The following KIAA1328 variants were observed in gnomAD, a reference collection of about 807,000 sequenced individuals.
KIAA1328 encodes protein hinderin.
Under a neutral mutation model 68.1 loss-of-function variants are expected in KIAA1328, and 52 were observed. The ratio of observed to expected loss-of-function variants is 0.76; its 90% confidence interval spans 0.61 to 0.96. The LOEUF is 0.96. Among genes scored for constraint, KIAA1328 ranks in the 40% least tolerant of loss-of-function variants. KIAA1328 has a pLI of 0.00. For missense variants in KIAA1328, 641 were observed against 677.6 expected (o/e 0.95, Z 0.60); for synonymous variants, 232 against 239.4 (o/e 0.97, Z 0.28).
intron 7 of KIAA1328, among the ~76,000 whole-genome samples, chr18:37,122,402 G>A (rs1382414412): frequency 6.6e-6 from 1 of 152,062 alleles, no homozygotes; most frequent in Non-Finnish European, 1.5e-5. Context: ...GCAGGGAGTT[G>A]TAGCTGCATG....
At chr18:36,908,524 G>T (rs1270852466) in intron 5 of KIAA1328, among the ~76,000 whole-genome samples, 2 of 152,078 alleles carry the variant, frequency 1.3e-5, no homozygotes, top group Admixed American at 6.6e-5. Context: ...TTTTGTGTGT[G>T]TGGAAAGAAA....
intron 6 of KIAA1328, among the ~76,000 whole-genome samples, chr18:37,010,462 A>AAAG (rs2053940194): frequency 7.4e-6 from 1 of 134,306 alleles, no homozygotes; most frequent in African/African-American, 2.5e-5. Context: ...AAAAAAAAAA[A>AAAG]AAAAAAAAGA....
chr18:37,084,311 C>A, intron 7 of KIAA1328: 1 of 677,808 alleles, frequency 1.5e-6, no homozygotes, highest in Non-Finnish European at 2.2e-6. Context: ...TTTTATAGCT[C>A]TATGTTGATT....
chr18:37,201,448 A>G (rs1381017365), intron 9 of KIAA1328, among the ~76,000 whole-genome samples: 1 of 152,164 alleles, frequency 6.6e-6, no homozygotes, highest in Non-Finnish European at 1.5e-5. Context: ...TATAACAGGT[A>G]TGTTATAGTT....
At chr18:37,020,262 A>G (rs949509040) in intron 6 of KIAA1328, among the ~76,000 whole-genome samples, 1 of 152,110 alleles carries the variant, frequency 6.6e-6, no homozygotes, top group African/African-American at 2.4e-5. Flanking sequence ...AGCTGAGATT[A>G]CAGGCACATG....
At chr18:37,063,061 AGTTCTAGG>A (rs2056215661) in intron 6 of KIAA1328, among the ~76,000 whole-genome samples, 1 of 149,346 alleles carries the variant, frequency 6.7e-6, no homozygotes, top group Non-Finnish European at 1.5e-5. Context: ...TTATACTTTA[AGTTCTAGG>A]GTACATGTGC....
At chr18:37,129,159 A>G (rs1283259026) in intron 7 of KIAA1328, among the ~76,000 whole-genome samples, 3 of 152,206 alleles carry the variant, frequency 2.0e-5, no homozygotes, top group Non-Finnish European at 2.9e-5. Flanking sequence ...TTGATTTATT[A>G]TACCATACCT....
At chr18:36,922,135 A>T (rs2049951395) in intron 5 of KIAA1328, among the ~76,000 whole-genome samples, 1 of 151,982 alleles carries the variant, frequency 6.6e-6, no homozygotes, top group Non-Finnish European at 1.5e-5. Context: ...TTTTCTCTTG[A>T]AGATTACCTA....
chr18:37,117,950 G>A (rs1053973285), intron 7 of KIAA1328, among the ~76,000 whole-genome samples: 1 of 149,090 alleles, frequency 6.7e-6, no homozygotes, highest in African/African-American at 2.5e-5. Flanking sequence ...AGCTCTTATA[G>A]TCCCCATCTC....
intron 6 of KIAA1328, among the ~76,000 whole-genome samples, chr18:37,059,247 C>G (rs1378375391): frequency 1.3e-5 from 2 of 151,752 alleles, no homozygotes; most frequent in African/African-American, 4.8e-5. Context: ...TAAGAATAGC[C>G]TAAGTGCAAC....
chr18:36,912,432 T>C (rs1430762206), intron 5 of KIAA1328, among the ~76,000 whole-genome samples: 1 of 151,658 alleles, frequency 6.6e-6, no homozygotes, highest in Non-Finnish European at 1.5e-5. Context: ...TTCTCTATTA[T>C]AAGGACTCCT....
chr18:36,874,721 C>T (rs1460883677), intron 4 of KIAA1328, among the ~76,000 whole-genome samples: 1 of 152,094 alleles, frequency 6.6e-6, no homozygotes, highest in Non-Finnish European at 1.5e-5. Flanking sequence ...TTTTGTTTGC[C>T]ATTGCTTTTG....
chr18:37,149,769 C>A (rs979975166), intron 7 of KIAA1328, among the ~76,000 whole-genome samples: 3 of 152,096 alleles, frequency 2.0e-5, no homozygotes, highest in Non-Finnish European at 1.5e-5. Flanking sequence ...GTAGCAGCTA[C>A]TCTTTGGTAA....
chr18:36,881,671 G>T (rs1340187603), intron 4 of KIAA1328, among the ~76,000 whole-genome samples: 1 of 151,958 alleles, frequency 6.6e-6, no homozygotes, highest in African/African-American at 2.4e-5. Context: ...CAATGGATTT[G>T]CCCATTCTAG....
At chr18:37,183,144 A>T (rs913012598) in intron 9 of KIAA1328, among the ~76,000 whole-genome samples, 2 of 152,094 alleles carry the variant, frequency 1.3e-5, no homozygotes, top group African/African-American at 4.8e-5. Context: ...TCTTGTCTAG[A>T]TGATAGGGTT....
At chr18:36,988,680 TAA>T (rs1219052533) in intron 6 of KIAA1328, among the ~76,000 whole-genome samples, 1 of 152,210 alleles carries the variant, frequency 6.6e-6, no homozygotes, top group Non-Finnish European at 1.5e-5. Context: ...GAATGCCAGT[TAA>T]GAGCATAGAC....
chr18:37,060,855 C>A (rs118071969), intron 6 of KIAA1328, among the ~76,000 whole-genome samples: 3 of 152,162 alleles, frequency 2.0e-5, no homozygotes, highest in African/African-American at 4.8e-5. Context: ...CTGTGGCTCA[C>A]GCCTGTAATC....
chr18:36,893,857 A>G (rs990900661), intron 5 of KIAA1328, among the ~76,000 whole-genome samples: 2 of 152,160 alleles, frequency 1.3e-5, no homozygotes, highest in Non-Finnish European at 2.9e-5. Context: ...ATATATCTCA[A>G]GGACGTCATA....
chr18:37,000,992 A>G (rs2053567401), intron 6 of KIAA1328, among the ~76,000 whole-genome samples: 2 of 152,078 alleles, frequency 1.3e-5, no homozygotes, highest in South Asian at 2.1e-4. Context: ...CTAGAAAAGT[A>G]GAAATAAACC....
Sources: allele counts gnomAD v4.1 joint callset (sites outside exome capture counted in the v4.1 genomes callset), GRCh38; gene constraint gnomAD v4.1.1; transcripts MANE v1.5; gene names NCBI Gene and HGNC (gene_info 2026-07-23, HGNC 2026-07-21).